The following LMAN2 variants were observed in gnomAD, a reference collection of about 807,000 sequenced individuals.
LMAN2 encodes the protein vesicular integral-membrane protein VIP36.
A neutral mutation model predicts 39.3 loss-of-function variants in LMAN2; 22 were observed. That is an observed-to-expected ratio of 0.56 (90% CI 0.40 to 0.80). The LOEUF (loss-of-function observed/expected upper bound fraction) is 0.80. Among genes scored for constraint, LMAN2 ranks in the 30% least tolerant of loss-of-function variants. The pLI, the probability that LMAN2 is intolerant of heterozygous loss-of-function variation, is 0.00. For missense variants in LMAN2, 494 were observed against 505.4 expected (o/e 0.98, Z 0.22); for synonymous variants, 207 against 207.8 (o/e 1.00, Z 0.03).
Position 177,337,305 on chromosome 5 carries a change from C to A in LMAN2, c.676-55G>T. The A allele has an allele frequency of 3.7e-6, 6 of 1,611,868 alleles. No individual in the cohort carries two copies. Among genetic ancestry groups the A allele is most frequent in the Middle Eastern group, 1.7e-4 (1 of 6,060 alleles). On this transcript the variant is annotated intron_variant, in intron 5 of 7. Coordinates refer to ENST00000303127, the MANE Select transcript of LMAN2 (RefSeq NM_006816.3). The surrounding 1 kb of genome is among the most constrained non-coding windows in gnomAD (Gnocchi z 8.2). ...CAGGACAGCAGCCTGCCCTCCTGAG[C>A]CTCTGTGGGACCAGCACAGGGCCAC...
At position 177,347,981 on chromosome 5, in the gene LMAN2, C is replaced by T. The variant is rs151154178; in HGVS notation, c.315+3192G>A. On this transcript the variant is annotated intron_variant, in intron 2 of 7. Coordinates refer to ENST00000303127, the MANE Select transcript of LMAN2 (RefSeq NM_006816.3). Reference sequence around the variant, plus strand: ...TAGAAATTTAAAATTTTAAAAATAACCCCATCTCCAACTACTATTTAAGAG... The same window carrying T: ...TAGAAATTTAAAATTTTAAAAATAATCCCATCTCCAACTACTATTTAAGAG... Among the ~76,000 whole-genome samples the T allele has an allele frequency of 2.8e-3, 426 of 152,154 alleles. 2 individuals carry two copies. The highest frequency in any genetic ancestry group is 9.8e-3 in the African/African-American group (407 of 41,514).
At chr5:177,348,151 T>C (rs558527289) in intron 2 of LMAN2, among the ~76,000 whole-genome samples, 2 of 152,304 alleles carry the variant, frequency 1.3e-5, no homozygotes, top group Non-Finnish European at 2.9e-5. Flanking sequence ...ATGTTTACTT[T>C]TGTATAATTA....
At position 177,334,388 on chromosome 5, in the gene LMAN2, A is replaced by G. The variant is rs201388361; in HGVS notation, c.806T>C (p.Ile269Thr). ...CATCAGCTGGAACAGCTTCATGGAG[A>G]TGATGTCATGATTGTCTGCAGGACC... The part of the protein sequence containing the change: ...TGDLSDNHDI[I>T]SMKLFQLMVE... Residue 269 changes from isoleucine (I) to threonine (T), a missense_variant, in exon 7 of 8, where the codon ATC becomes ACC. Physicochemically the swap from Ile to Thr is moderately conservative, Grantham distance 89. Coordinates refer to ENST00000303127, the MANE Select transcript of LMAN2 (RefSeq NM_006816.3). 30 of 1,613,098 alleles carry G rather than the reference A, an allele frequency of 1.9e-5. No homozygotes were observed. The highest frequency in any genetic ancestry group is 2.5e-5 in the Non-Finnish European group (30 of 1,179,896).
intron 6 of LMAN2, among the ~76,000 whole-genome samples, chr5:177,335,496 C>A (rs1181723957): frequency 6.6e-6 from 1 of 152,214 alleles, no homozygotes; most frequent in Non-Finnish European, 1.5e-5. Context: ...GCTCTCCCAA[C>A]AGCTGTGAGA....
rs1268425962 is a variant in LMAN2, at chr5:177,337,572, C to T, written c.514-48G>A. Reference sequence around the variant, plus strand: ...TCCACAAGCAGCCCAGCCTGTGGGGCGAGCAGGGGCACCCACCACCCCAAT... The same window carrying T: ...TCCACAAGCAGCCCAGCCTGTGGGGTGAGCAGGGGCACCCACCACCCCAAT... On this transcript the variant is annotated intron_variant, in intron 4 of 7. Transcript: ENST00000303127. The surrounding 1 kb of genome is among the most constrained non-coding windows in gnomAD (Gnocchi z 8.2). 6.2e-6 allele frequency: 10 copies of T among 1,608,452 alleles called. No homozygotes were observed. The highest frequency in any genetic ancestry group is 5.1e-6 in the Non-Finnish European group (6 of 1,175,902).
rs542028765 is a variant in LMAN2 at position 177,343,024 on chromosome 5, C to A, written c.316-4419G>T. Among the ~76,000 whole-genome samples the A allele has an allele frequency of 9.9e-5, 15 of 152,166 alleles. No individual in the cohort carries two copies. In the South Asian group the frequency reaches 3.1e-3, roughly 32 times the overall value. ...GTCCCAGCACTTTGGGAGGCCAAGG[C>A]GGGCAGATCACGAGGTCAAGAGATG... On this transcript the variant is annotated intron_variant, in intron 2 of 7. Coordinates refer to ENST00000303127, the MANE Select transcript of LMAN2 (RefSeq NM_006816.3).
intron 2 of LMAN2, among the ~76,000 whole-genome samples, chr5:177,347,968 A>C (rs1581606806): frequency 6.6e-6 from 1 of 152,140 alleles, no homozygotes; most frequent in Non-Finnish European, 1.5e-5. Flanking sequence ...GAAATTTAAA[A>C]TTTTAAAAAT....
At chr5:177,349,010 T>C (rs1761680789) in intron 2 of LMAN2, among the ~76,000 whole-genome samples, 1 of 152,192 alleles carries the variant, frequency 6.6e-6, no homozygotes, top group African/African-American at 2.4e-5. Context: ...TTGCAAATAC[T>C]TAAACCTAAT....
intron 2 of LMAN2, among the ~76,000 whole-genome samples, chr5:177,343,564 G>GACAC (rs368470169): frequency 8.1e-4 from 69 of 84,678 alleles, no homozygotes; most frequent in East Asian, 2.3e-3. Flanking sequence ...ATGTGGTCTA[G>GACAC]ACACACACAC....
intron 2 of LMAN2, among the ~76,000 whole-genome samples, chr5:177,349,789 AGACAGAATGT>A (rs979246600): frequency 4.6e-5 from 7 of 152,378 alleles, no homozygotes; most frequent in Admixed American, 1.3e-4. Flanking sequence ...GAAAGCCCTA[AGACAGAATGT>A]GACAGAATGT....
intron 6 of LMAN2, among the ~76,000 whole-genome samples, chr5:177,336,680 G>T (rs1405898161): frequency 6.6e-6 from 1 of 152,240 alleles, no homozygotes; most frequent in Non-Finnish European, 1.5e-5. Flanking sequence ...CGATGGGCAA[G>T]ATGTGGCCTC....
At chr5:177,345,768 TA>T (rs1357911129) in intron 2 of LMAN2, among the ~76,000 whole-genome samples, 2 of 150,846 alleles carry the variant, frequency 1.3e-5, no homozygotes, top group African/African-American at 4.9e-5. Flanking sequence ...TTTATTTATT[TA>T]TTTATTTATT....
At chr5:177,334,694 T>G (rs1240447844) in intron 6 of LMAN2, 7 of 331,838 alleles carry the variant, frequency 2.1e-5, no homozygotes, top group Non-Finnish European at 3.4e-5. Flanking sequence ...GTTCCGCACA[T>G]GTAGAGGAGT....
chr5:177,338,927 C>A (rs1330412990), intron 2 of LMAN2, among the ~76,000 whole-genome samples: 1 of 152,266 alleles, frequency 6.6e-6, no homozygotes, highest in Non-Finnish European at 1.5e-5. Flanking sequence ...TCATTACCAG[C>A]CAAACCCACC....
rs1761496749 is a variant in LMAN2, at chr5:177,337,739, G to A, written c.480C>T (p.Phe160=). The A allele has an allele frequency of 6.2e-7, 1 of 1,613,952 alleles. No individual in the cohort carries two copies. The highest frequency in any genetic ancestry group is 8.5e-7 in the Non-Finnish European group (1 of 1,180,024). Residue 160 remains phenylalanine, a synonymous_variant, in exon 4 of 8, where the codon TTC becomes TTT. Coordinates refer to ENST00000303127, the MANE Select transcript of LMAN2 (RefSeq NM_006816.3). The surrounding 1 kb of genome is among the most constrained non-coding windows in gnomAD (Gnocchi z 8.2). ...TCTCATCATTGGGGTAGGTGTCCAG[G>A]AAGATGGCTAAGCCGTGGAAGTTAT... ...SKDNFHGLAI[F]LDTYPNDETT...
At chr5:177,346,784 C>A (rs1423729513) in intron 2 of LMAN2, among the ~76,000 whole-genome samples, 1 of 152,036 alleles carries the variant, frequency 6.6e-6, no homozygotes, top group South Asian at 2.1e-4. Context: ...CTTACAGGCA[C>A]GTGTCACCTT....
Position 177,346,635 on chromosome 5 carries a change from G to C in LMAN2, c.315+4538C>G, listed in dbSNP as rs147288017. 2.3e-3 allele frequency among the ~76,000 whole-genome samples: 350 copies of C among 151,874 alleles called. 2 individuals carry two copies. The highest frequency in any genetic ancestry group is 8.2e-3 in the African/African-American group (341 of 41,422). ...AAACAGAAACTGACAGAACTACAAA[G>C]ATGCAGACAAATCCATATACAGAAA... is the stretch of plus-strand genomic sequence containing the variant. On this transcript the variant is annotated intron_variant, in intron 2 of 7. Transcript: ENST00000303127.
chr5:177,346,638 G>A (rs1761642116), intron 2 of LMAN2, among the ~76,000 whole-genome samples: 1 of 151,842 alleles, frequency 6.6e-6, no homozygotes, highest in South Asian at 2.1e-4. Context: ...CTACAAAGAT[G>A]CAGACAAATC....
In LMAN2 at chr5:177,332,018, A is replaced by C; in HGVS notation, c.*68T>G. 1 of 1,418,594 alleles carries C rather than the reference A, an allele frequency of 7.0e-7. No individual in the cohort carries two copies. The highest frequency in any genetic ancestry group is 9.6e-7 in the Non-Finnish European group (1 of 1,042,714). The allele number at this position is 1,418,594 out of a possible 1,614,324, so 87.9% of individuals were successfully genotyped here. Reference sequence around the variant, plus strand: ...TAAGGTCATCTTGTTGTTCTTTTATAATCCCGGTAAAAAAAAAAGTTCACA... The same window carrying C: ...TAAGGTCATCTTGTTGTTCTTTTATCATCCCGGTAAAAAAAAAAGTTCACA... On this transcript the variant is annotated 3_prime_UTR_variant, in exon 8 of 8. Coordinates refer to ENST00000303127, the MANE Select transcript of LMAN2 (RefSeq NM_006816.3). This position sits in a 1 kb window ranked among gnomAD's most constrained non-coding sequence, Gnocchi z 6.3.
Sources: allele counts gnomAD v4.1 joint callset (sites outside exome capture counted in the v4.1 genomes callset), GRCh38; gene constraint gnomAD v4.1.1; non-coding constraint Gnocchi (gnomAD v3.1); transcripts MANE v1.5; gene names NCBI Gene and HGNC (gene_info 2026-07-23, HGNC 2026-07-21).